MROH7: variants seen among roughly 807,000 people sequenced by gnomAD.
MROH7 encodes the protein maestro heat-like repeat-containing protein family member 7.
A neutral mutation model predicts 129.2 loss-of-function variants in MROH7; 113 were observed. That is an observed-to-expected ratio of 0.87 (90% CI 0.75 to 1.02). MROH7 has a LOEUF of 1.02. Among genes scored for constraint, MROH7 ranks in the 50% least tolerant of loss-of-function variants. MROH7 has a pLI of 0.00. For synonymous variants in MROH7, 655 were observed against 667.9 expected (o/e 0.98, Z 0.30); for missense variants, 1,601 against 1,671.3 (o/e 0.96, Z 0.73).
At chr1:54,643,380 T>C (rs1312556132) in intron 1 of MROH7, among the ~76,000 whole-genome samples, 1 of 152,058 alleles carries the variant, frequency 6.6e-6, no homozygotes, top group Non-Finnish European at 1.5e-5. Flanking sequence ...GCCAAAACAT[T>C]GAGGATCCTG....
At chr1:54,680,407 G>GCGTGTC (rs1450696691) in intron 13 of MROH7, among the ~76,000 whole-genome samples, 1 of 152,188 alleles carries the variant, frequency 6.6e-6, no homozygotes, top group Non-Finnish European at 1.5e-5. Flanking sequence ...AAGGAGGTCT[G>GCGTGTC]CGTGTCCGTC....
chr1:54,642,864 C>T (rs940203214), intron 1 of MROH7, among the ~76,000 whole-genome samples: 15 of 152,314 alleles, frequency 9.8e-5, no homozygotes, highest in South Asian at 4.1e-4. Flanking sequence ...ATCCTCTTGC[C>T]TCAGCTTCCC....
At chr1:54,687,918 G>A (rs1365308845) in intron 15 of MROH7, among the ~76,000 whole-genome samples, 1 of 147,416 alleles carries the variant, frequency 6.8e-6, no homozygotes, top group East Asian at 2.0e-4. Flanking sequence ...GCCCAGGCTG[G>A]AGTGCAGTGG....
At chr1:54,645,860 C>T (rs1644458623) in intron 1 of MROH7, among the ~76,000 whole-genome samples, 1 of 151,750 alleles carries the variant, frequency 6.6e-6, no homozygotes, top group African/African-American at 2.4e-5. Flanking sequence ...GCTATGTTGC[C>T]CAGGCTGGTC....
At chr1:54,673,650 C>T (rs374989050) in intron 8 of MROH7, 51 bp from the exon 9 acceptor site, 20 of 1,414,694 alleles carry the variant, frequency 1.4e-5, no homozygotes, top group Non-Finnish European at 1.9e-5. Context: ...CACCCAGCAG[C>T]AGGGGCTGTC....
chr1:54,682,075 C>T (rs1438910801), intron 13 of MROH7, among the ~76,000 whole-genome samples: 2 of 152,098 alleles, frequency 1.3e-5, no homozygotes, highest in African/African-American at 2.4e-5. Context: ...AAATGCTCAG[C>T]TAATATCTGC....
At chr1:54,646,715 G>A (rs984167730) in intron 1 of MROH7, among the ~76,000 whole-genome samples, 1 of 152,100 alleles carries the variant, frequency 6.6e-6, no homozygotes, top group Non-Finnish European at 1.5e-5. Flanking sequence ...ATAAGGTTGT[G>A]TAACCATCAT....
chr1:54,670,388 T>C (rs975554160), intron 5 of MROH7, 109 bp from the exon 6 acceptor site: 1 of 843,224 alleles, frequency 1.2e-6, no homozygotes, highest in East Asian at 2.7e-5. Flanking sequence ...GAGGAGCACT[T>C]GAGGGTATGC....
Position 54,653,730 on chromosome 1 carries a change from G to A in MROH7, c.804G>A (p.Trp268Ter). The stretch of plus-strand genomic sequence containing the variant: ...CAAAAGGAGCCTTTAGTACCACCTG[G>A]AGCACAAGTTCAAAGGAAACCATGA... ...SVSKGAFSTT[W>*]STSSKETMNV... Residue 268 changes from tryptophan to a stop codon, truncating the protein, a stop_gained, in exon 3 of 24, where the codon TGG (tryptophan) becomes TGA (stop). Transcript: ENST00000421030. LOFTEE classifies it high-confidence loss of function. The A allele has an allele frequency of 1.2e-6, 2 of 1,614,156 alleles. No individual in the cohort carries two copies. Among genetic ancestry groups the A allele is most frequent in the Non-Finnish European group, 1.7e-6 (2 of 1,180,034 alleles).
At position 54,653,296 on chromosome 1, in the gene MROH7, G is replaced by T; in HGVS notation, c.370G>T (p.Ala124Ser). 1 of 1,614,172 alleles carries T rather than the reference G, an allele frequency of 6.2e-7. No homozygotes were observed. The highest frequency in any genetic ancestry group is 8.5e-7 in the Non-Finnish European group (1 of 1,180,024). Residue 124 changes from alanine to serine, a missense_variant, in exon 3 of 24, where the codon GCC (alanine) becomes TCC (serine). Coordinates refer to ENST00000421030, the MANE Select transcript of MROH7 (RefSeq NM_001039464.4). ...RPDSQGRLCP[A>S]SNPILSPSST... ...TGACTCACAGGGGCGCCTCTGTCCA[G>T]CCTCAAACCCCATTCTGAGCCCTAG... is the stretch of plus-strand genomic sequence containing the variant.
In MROH7 at chr1:54,670,540, T is replaced by G. The variant is rs1644881192; in HGVS notation, c.1433T>G (p.Val478Gly). The G allele has an allele frequency of 6.2e-7, 1 of 1,613,770 alleles. No homozygotes were observed. The highest frequency in any genetic ancestry group is 1.1e-5 in the South Asian group (1 of 90,986). Residue 478 changes from valine (V) to glycine (G), a missense_variant, in exon 6 of 24, where the codon GTC becomes GGC. Val to Gly is a moderately radical substitution (Grantham distance 109). Transcript: ENST00000421030. ...CCACTGGATTCTCTCTCAAGCTCCG[T>G]CCGCAAGCAGGCCATGGAGATCCTG... is the stretch of plus-strand genomic sequence containing the variant. ...EEPLDSLSSS[V>G]RKQAMEILTQ...
chr1:54,679,996 A>G lies in MROH7; in HGVS notation c.2332A>G (p.Met778Val), dbSNP rs763073015. 15 of 1,613,794 alleles carry G rather than the reference A, an allele frequency of 9.3e-6. No homozygotes were observed. The highest frequency in any genetic ancestry group is 7.7e-5 in the South Asian group (7 of 91,076). Reference sequence around the variant, plus strand: ...CGTCTCCCTCCTGGCTAGCTCCTTCATGACCGAGGTTGTGGTGGCCCTGCT... The same window carrying G: ...CGTCTCCCTCCTGGCTAGCTCCTTCGTGACCGAGGTTGTGGTGGCCCTGCT... The part of the protein sequence containing the change: ...LPVSLLASSF[M>V]TEVVVALLMC... Residue 778 changes from methionine (M) to valine (V), a missense_variant, in exon 13 of 24, where the codon ATG becomes GTG. By Grantham distance (21) the Met-to-Val change is conservative. Transcript: ENST00000421030.
At chr1:54,672,612 A>G (rs775479956) in intron 7 of MROH7, among the ~76,000 whole-genome samples, 2 of 152,148 alleles carry the variant, frequency 1.3e-5, no homozygotes, top group Non-Finnish European at 2.9e-5. Flanking sequence ...TTCCCCGGAG[A>G]TGATGAAAGT....
intron 19 of MROH7, 24 bp from the exon 20 acceptor site, chr1:54,702,066 C>T: frequency 6.4e-7 from 1 of 1,562,952 alleles, no homozygotes; most frequent in Non-Finnish European, 8.7e-7. Context: ...GAGGGACCCC[C>T]TCTGAGCCTT....
chr1:54,693,831 C>T (rs1057236096), intron 16 of MROH7, among the ~76,000 whole-genome samples: 2 of 152,220 alleles, frequency 1.3e-5, no homozygotes, highest in African/African-American at 4.8e-5. Context: ...AGAGATCTGT[C>T]ACATGCATGA....
At position 54,710,127 on chromosome 1, in the gene MROH7, C is replaced by T. The variant is rs762544286; in HGVS notation, c.3912C>T (p.His1304=). 49 of 1,613,762 alleles carry T rather than the reference C, an allele frequency of 3.0e-5. No individual in the cohort carries two copies. The highest frequency in any genetic ancestry group is 1.6e-4 in the Middle Eastern group (1 of 6,082). Residue 1304 remains histidine, a synonymous_variant, in exon 24 of 24, where the codon CAC becomes CAT. Coordinates refer to ENST00000421030, the MANE Select transcript of MROH7 (RefSeq NM_001039464.4). Reference sequence around the variant, plus strand: ...GCTGTGAGAACCTGCCCACTTCCCACCAGCGGCGCTCCTGGATCATGCAGG... The same window carrying T: ...GCTGTGAGAACCTGCCCACTTCCCATCAGCGGCGCTCCTGGATCATGCAGG... ...SPSCENLPTS[H]QRRSWIMQAL... is the part of the protein sequence containing the mutation.
In MROH7 at chr1:54,679,144, C is replaced by T. The variant is rs568535337; in HGVS notation, c.2050-119C>T. The T allele has an allele frequency of 1.4e-5, 14 of 1,027,228 alleles. No individual in the cohort carries two copies. In the Admixed American group the frequency reaches 1.6e-4, roughly 11 times the overall value. The allele number at this position is 1,027,228 out of a possible 1,614,324, so 63.6% of individuals were successfully genotyped here. Reference sequence around the variant, plus strand: ...ATGTGTTAACTGAATATTCCTGGCCCTCCCTGCTGACCTCTGCATGTGGGC... The same window carrying T: ...ATGTGTTAACTGAATATTCCTGGCCTTCCCTGCTGACCTCTGCATGTGGGC... On this transcript the variant is annotated intron_variant, in intron 11 of 23. Coordinates refer to ENST00000421030, the MANE Select transcript of MROH7 (RefSeq NM_001039464.4).
In MROH7 at chr1:54,710,088, C is replaced by G. The variant is rs1645601161; in HGVS notation, c.3873C>G (p.His1291Gln). The G allele has an allele frequency of 6.2e-7, 1 of 1,613,990 alleles. No homozygotes were observed. The highest frequency in any genetic ancestry group is 8.5e-7 in the Non-Finnish European group (1 of 1,180,014). ...NSWVCYSATT[H>Q]RWSPSCENLP... Reference sequence around the variant, plus strand: ...GGGTGTGTTACTCAGCCACCACCCACCGCTGGAGCCCCAGCTGTGAGAACC... The same window carrying G: ...GGGTGTGTTACTCAGCCACCACCCAGCGCTGGAGCCCCAGCTGTGAGAACC... The change falls in exon 24 of 24, where the codon CAC becomes CAG. Residue 1291 changes from histidine to glutamine, a missense_variant. By Grantham distance (24) the His-to-Gln change is conservative. Transcript: ENST00000421030.
chr1:54,656,969 T>C (rs1463229193), intron 3 of MROH7, among the ~76,000 whole-genome samples: 1 of 151,804 alleles, frequency 6.6e-6, no homozygotes, highest in Non-Finnish European at 1.5e-5. Flanking sequence ...GGAGGATCAC[T>C]TGAAGTCAGG....
Sources: allele counts gnomAD v4.1 joint callset (sites outside exome capture counted in the v4.1 genomes callset), GRCh38; gene constraint gnomAD v4.1.1; transcripts MANE v1.5; gene names NCBI Gene and HGNC (gene_info 2026-07-23, HGNC 2026-07-21).